TSHR: variants seen among roughly 807,000 people sequenced by gnomAD.
TSHR encodes thyrotropin receptor.
A neutral mutation model predicts 64.1 loss-of-function variants in TSHR; 51 were observed. That is an observed-to-expected ratio of 0.80 (90% confidence interval 0.64 to 1.01). TSHR has a LOEUF of 1.01. TSHR is among the 50% of genes least tolerant of loss of function. The pLI, the probability that TSHR is intolerant of heterozygous loss-of-function variation, is 0.00. For synonymous variants in TSHR, 361 were observed against 361.9 expected (o/e 1.00, Z 0.03); for missense variants, 877 against 942.8 (o/e 0.93, Z 0.91).
Position 81,105,132 on chromosome 14 carries a change from T to C in TSHR, c.615-3243T>C, listed in dbSNP as rs117356510. 2,933 of 985,394 alleles carry C rather than the reference T, an allele frequency of 3.0e-3. 5 individuals carry two copies. Among genetic ancestry groups the C allele is most frequent in the Non-Finnish European group, 3.3e-3 (2,771 of 829,910 alleles). The allele number at this position is 985,394 out of a possible 1,614,324, so 61.0% of individuals were successfully genotyped here. On this transcript the variant is annotated intron_variant, in intron 7 of 9. Coordinates refer to ENST00000298171, the MANE Select transcript of TSHR (RefSeq NM_000369.5). ...CATTTTCTAGAGTAGGTTAACCAGA[T>C]AGCCTACCAAGATTTGTGACTGATT... is the stretch of plus-strand genomic sequence containing the variant.
intron 1 of TSHR, among the ~76,000 whole-genome samples, chr14:81,000,052 C>T (rs1889232700): frequency 6.6e-6 from 1 of 151,656 alleles, no homozygotes; most frequent in African/African-American, 2.4e-5. Flanking sequence ...CAGCCTCAGA[C>T]TCCCGAGTAG....
chr14:80,957,280 A>AC (rs757248262), intron 1 of TSHR, among the ~76,000 whole-genome samples: 2 of 151,728 alleles, frequency 1.3e-5, no homozygotes, highest in African/African-American at 4.8e-5. Context: ...GGTAAGCTAT[A>AC]CCCCCCTTCC....
chr14:81,012,387 G>A (rs1889961832), intron 1 of TSHR: 1 of 151,600 alleles, frequency 6.6e-6, no homozygotes, highest in Non-Finnish European at 1.5e-5. Context: ...TGTGAATAAT[G>A]CCGCAATAAA....
chr14:81,144,186 A>C lies in TSHR; in HGVS notation c.2128A>C (p.Arg710=). The part of the protein sequence containing the change: ...KRQAQAYRGQ[R]VPPKNSTDIQ... ...CCAGGCTCAGGCATACCGGGGGCAG[A>C]GGGTTCCTCCAAAGAACAGCACTGA... The change falls in exon 10 of 10, where the codon AGG becomes CGG. Residue 710 remains arginine, a synonymous_variant. Coordinates refer to ENST00000298171, the MANE Select transcript of TSHR (RefSeq NM_000369.5). The C allele has an allele frequency of 6.2e-7, 1 of 1,613,952 alleles. No homozygotes were observed. Among genetic ancestry groups the C allele is most frequent in the Non-Finnish European group, 8.5e-7 (1 of 1,179,898 alleles).
intron 8 of TSHR, among the ~76,000 whole-genome samples, chr14:81,115,515 A>T (rs200157573): frequency 0.16 from 22,934 of 146,114 alleles, 1,994 homozygotes; most frequent in East Asian, 0.3. Flanking sequence ...AGCCTCCAAG[A>T]AATATGGGAC....
intron 8 of TSHR, among the ~76,000 whole-genome samples, chr14:81,111,952 A>G (rs1595133870): frequency 6.6e-6 from 1 of 152,232 alleles, no homozygotes; most frequent in African/African-American, 2.4e-5. Flanking sequence ...ACTTCTTTGG[A>G]AGTGGTCAAT....
rs754085754 is a variant in TSHR at position 81,145,202 on chromosome 14, G to A, written c.*849G>A. 1 of 232,944 alleles carries A rather than the reference G, an allele frequency of 4.3e-6. No homozygotes were observed. The allele number at this position is 232,944 out of a possible 1,614,324, so 14.4% of individuals were successfully genotyped here. On this transcript the variant is annotated 3_prime_UTR_variant, in exon 10 of 10. Coordinates refer to ENST00000298171, the MANE Select transcript of TSHR (RefSeq NM_000369.5). ...CAGGCTGGACACTAATTAACTATGG[G>A]ACTTAAATCTGTAGAAATGAAGGAG...
rs183860241 is a variant in TSHR at position 81,006,496 on chromosome 14, G to A, written c.170+50646G>A. ...ATTTTAACTAAACTACCTCTTTCAG[G>A]GCCCTATTTCCAAATATAGTCAATT... On this transcript the variant is annotated intron_variant, in intron 1 of 9. Transcript: ENST00000298171. Among the ~76,000 whole-genome samples the A allele has an allele frequency of 3.7e-3, 565 of 151,932 alleles. 8 individuals carry two copies. The highest frequency in any genetic ancestry group is 0.013 in the African/African-American group (549 of 41,408).
intron 2 of TSHR, among the ~76,000 whole-genome samples, chr14:81,066,744 T>A (rs1886643532): frequency 1.3e-5 from 2 of 152,198 alleles, no homozygotes; most frequent in Admixed American, 1.3e-4. Flanking sequence ...GATTTAATTA[T>A]CCTAGACCGG....
intron 8 of TSHR, among the ~76,000 whole-genome samples, chr14:81,111,489 C>A (rs879764835): frequency 6.6e-6 from 1 of 152,224 alleles, no homozygotes; most frequent in African/African-American, 2.4e-5. Context: ...AAACCCAATA[C>A]TGGCCTCCCA....
At chr14:80,960,000 TTAAATTC>T (rs1314129795) in intron 1 of TSHR, among the ~76,000 whole-genome samples, 4 of 152,322 alleles carry the variant, frequency 2.6e-5, no homozygotes, top group African/African-American at 9.6e-5. Flanking sequence ...AAAAATATAA[TTAAATTC>T]TAGCTACAGA....
In TSHR at chr14:81,136,151, G is replaced by A. The variant is rs79840740; in HGVS notation, c.693-3528G>A. ...GAAGCGTGGATGTTATTCATGGTAC[G>A]TTGAGAAGTCACTGTAGGCCTTTAG... On this transcript the variant is annotated intron_variant, in intron 8 of 9. Coordinates refer to ENST00000298171, the MANE Select transcript of TSHR (RefSeq NM_000369.5). Among the ~76,000 whole-genome samples, 223 of 152,332 alleles carry A rather than the reference G, an allele frequency of 1.5e-3. 2 individuals carry two copies. Among genetic ancestry groups the A allele is most frequent in the African/African-American group, 5.2e-3 (217 of 41,570 alleles).
At chr14:80,986,610 C>A (rs893384532) in intron 1 of TSHR, among the ~76,000 whole-genome samples, 1 of 152,162 alleles carries the variant, frequency 6.6e-6, no homozygotes, top group African/African-American at 2.4e-5. Context: ...TCTCAGCCTT[C>A]CAAGTAGCTG....
chr14:81,059,406 A>G (rs1371454712), intron 1 of TSHR, among the ~76,000 whole-genome samples: 1 of 152,190 alleles, frequency 6.6e-6, no homozygotes, highest in Non-Finnish European at 1.5e-5. Context: ...CAAAATTTAC[A>G]CAAACTCAAT....
At chr14:80,990,479 T>C (rs1888671501) in intron 1 of TSHR, among the ~76,000 whole-genome samples, 1 of 152,240 alleles carries the variant, frequency 6.6e-6, no homozygotes, top group Non-Finnish European at 1.5e-5. Context: ...GGAAGGTTCC[T>C]CGGTTGAGTC....
chr14:80,970,196 G>C (rs2139700734), intron 1 of TSHR, among the ~76,000 whole-genome samples: 1 of 152,338 alleles, frequency 6.6e-6, no homozygotes, highest in African/African-American at 2.4e-5. Context: ...TTCAGTGAGA[G>C]TGCAGCAGAA....
At chr14:81,010,068 T>C (rs1889824243) in intron 1 of TSHR, among the ~76,000 whole-genome samples, 1 of 152,192 alleles carries the variant, frequency 6.6e-6, no homozygotes, top group African/African-American at 2.4e-5. Context: ...ATCTGATAAG[T>C]ATTCTTCTTG....
intron 8 of TSHR, among the ~76,000 whole-genome samples, chr14:81,132,756 G>A (rs1210268943): frequency 6.6e-6 from 1 of 152,038 alleles, no homozygotes; most frequent in Non-Finnish European, 1.5e-5. Context: ...ACAGAGGGAA[G>A]CCCTCCAGCT....
At chr14:81,003,502 C>T (rs1171430467) in intron 1 of TSHR, 5 of 222,814 alleles carry the variant, frequency 2.2e-5, no homozygotes, top group South Asian at 1.5e-4. Flanking sequence ...TGACATCTTT[C>T]GGATACTTGG....
Sources: allele counts gnomAD v4.1 joint callset (sites outside exome capture counted in the v4.1 genomes callset), GRCh38; gene constraint gnomAD v4.1.1; transcripts MANE v1.5; gene names NCBI Gene and HGNC (gene_info 2026-07-23, HGNC 2026-07-21).